The following IGSF10 variants were observed in gnomAD, a reference collection of about 807,000 sequenced individuals.
The protein encoded by IGSF10 is calvaria mechanical force protein 608.
In IGSF10, 126 loss-of-function variants were observed where a neutral mutation model predicts 128.2. The ratio of observed to expected loss-of-function variants is 0.98; its 90% CI spans 0.85 to 1.14. The LOEUF is 1.14. IGSF10 is among the 50% of genes most tolerant of loss of function. The pLI, the probability that IGSF10 is intolerant of heterozygous loss-of-function variation, is 0.00. For synonymous variants in IGSF10, 1,185 were observed against 1,146.2 expected (o/e 1.03, Z -0.68); for missense variants, 3,295 against 3,149.8 (o/e 1.05, Z -1.10).
the IGSF10 span, among the ~76,000 whole-genome samples, chr3:151,496,718 G>A: frequency 1.3e-5 from 2 of 151,744 alleles, no homozygotes; most frequent in African/African-American, 2.4e-5. Context: ...TGGGTCAAAT[G>A]GTATTTCTAG....
At chr3:151,600,206 C>G in the IGSF10 span, among the ~76,000 whole-genome samples, 749 of 152,088 alleles carry the variant, frequency 4.9e-3, 1 homozygote, top group African/African-American at 0.017. Context: ...AACACAATTT[C>G]TTACTCTTTC....
the IGSF10 span, among the ~76,000 whole-genome samples, chr3:151,517,846 C>T: frequency 5.9e-5 from 9 of 151,846 alleles, no homozygotes; most frequent in Non-Finnish European, 1.2e-4. Flanking sequence ...CTGGGTTTTG[C>T]TTTTTTCTCT....
At chr3:151,546,661 C>T in the IGSF10 span, among the ~76,000 whole-genome samples, 1 of 152,104 alleles carries the variant, frequency 6.6e-6, no homozygotes, top group Non-Finnish European at 1.5e-5. Flanking sequence ...ACATTATATA[C>T]ACATAAATTG....
chr3:151,601,030 GAA>G, the IGSF10 span, among the ~76,000 whole-genome samples: 8 of 139,022 alleles, frequency 5.8e-5, no homozygotes, highest in Admixed American at 7.2e-5. Context: ...TTGTAGACAG[GAA>G]AAAAAAAAAA....
intron 6 of IGSF10, 41 bp from the exon 7 acceptor site, chr3:151,443,925 AG>A (rs1721029012): frequency 6.8e-7 from 1 of 1,464,920 alleles, no homozygotes; most frequent in Non-Finnish European, 9.2e-7. Context: ...GGGTCATCAA[AG>A]TTTATTTAGA....
At chr3:151,435,062 C>CTTTTTTTTTTTTT (rs66791814), downstream of IGSF10, 1 of 119,082 alleles carries the variant, frequency 8.4e-6, no homozygotes, top group Non-Finnish European at 1.7e-5. Context: ...TGAGAGGTTT[C>CTTTTTTTTTTTTT]TTTTTTTTTT....
At chr3:151,604,376 C>T in the IGSF10 span, among the ~76,000 whole-genome samples, 162 of 151,794 alleles carry the variant, frequency 1.1e-3, no homozygotes, top group African/African-American at 3.6e-3. Flanking sequence ...TTGGCAAATA[C>T]GTGATTCATT....
At chr3:151,457,260 CT>C in intron 3 of IGSF10, 105 bp from the exon 4 acceptor site, 1 of 1,059,796 alleles carries the variant, frequency 9.4e-7, no homozygotes, top group Non-Finnish European at 1.4e-6. Context: ...CTCTTTATAA[CT>C]GTACTCTATT....
At chr3:151,518,738 A>T in the IGSF10 span, among the ~76,000 whole-genome samples, 1 of 151,996 alleles carries the variant, frequency 6.6e-6, no homozygotes, top group East Asian at 1.9e-4. Context: ...TGTAAGTATC[A>T]GCCAAAAGTT....
At chr3:151,435,058 G>C (rs1577649247), downstream of IGSF10, 1 of 124,588 alleles carries the variant, frequency 8.0e-6, no homozygotes, top group African/African-American at 3.2e-5. Flanking sequence ...ATCTTGAGAG[G>C]TTTCTTTTTT....
the IGSF10 span, among the ~76,000 whole-genome samples, chr3:151,597,958 G>C: frequency 6.6e-6 from 1 of 151,372 alleles, no homozygotes; most frequent in East Asian, 1.9e-4. Flanking sequence ...ACAACACAGA[G>C]TTGTTTAGTT....
the IGSF10 span, among the ~76,000 whole-genome samples, chr3:151,504,681 G>T: frequency 4.9e-3 from 753 of 152,294 alleles, 7 homozygotes; most frequent in African/African-American, 0.018. Context: ...CAGCCTAAAG[G>T]TTTCTCTGCA....
the IGSF10 span, among the ~76,000 whole-genome samples, chr3:151,574,723 G>C: frequency 7.2e-5 from 11 of 152,186 alleles, no homozygotes; most frequent in South Asian, 2.1e-4. Context: ...ACTTCTGTCA[G>C]CTCGTCAAAG....
Position 151,445,750 on chromosome 3 carries a change from G to A in IGSF10, c.4231C>T (p.His1411Tyr), listed in dbSNP as rs1198022565. Residue 1411 changes from histidine (H) to tyrosine (Y), a missense_variant, in exon 6 of 8, where the codon CAT becomes TAT. Physicochemically the swap from His to Tyr is moderately conservative, Grantham distance 83. Coordinates refer to ENST00000282466, the MANE Select transcript of IGSF10 (RefSeq NM_178822.5). Reference protein sequence around the residue: ...TTGISSTISFHSRTLNLTDVI... With the variant: ...TTGISSTISFYSRTLNLTDVI... ...TCTGTCAGATTAAGAGTTCTTGAAT[G>A]AAAACTGATTGTGCTTGAAATCCCA... 1 of 1,613,934 alleles carries A rather than the reference G, an allele frequency of 6.2e-7. No individual in the cohort carries two copies. Among genetic ancestry groups the A allele is most frequent in the Non-Finnish European group, 8.5e-7 (1 of 1,180,030 alleles).
At chr3:151,529,453 A>G in the IGSF10 span, among the ~76,000 whole-genome samples, 1 of 152,154 alleles carries the variant, frequency 6.6e-6, no homozygotes, top group Non-Finnish European at 1.5e-5. Context: ...CTCATACAGG[A>G]GAGCTCTGGC....
chr3:151,534,796 A>AGTGTGT, the IGSF10 span, among the ~76,000 whole-genome samples: 23,702 of 129,282 alleles, frequency 0.18, 2,032 homozygotes, highest in Middle Eastern at 0.21. Flanking sequence ...CAGAATTTAA[A>AGTGTGT]GTGTATGTGT....
intron 2 of IGSF10, among the ~76,000 whole-genome samples, chr3:151,459,846 C>T (rs1018521309): frequency 1.3e-5 from 2 of 152,106 alleles, no homozygotes; most frequent in African/African-American, 4.8e-5. Flanking sequence ...TGTTGGATTC[C>T]ACCAGCAACC....
chr3:151,617,320 C>CCT, the IGSF10 span, among the ~76,000 whole-genome samples: 108 of 83,556 alleles, frequency 1.3e-3, 4 homozygotes, highest in Admixed American at 8.4e-3. Flanking sequence ...CTTCTTCTTC[C>CCT]CCTCCTCCTC....
chr3:151,556,344 T>C, the IGSF10 span, among the ~76,000 whole-genome samples: 2 of 152,162 alleles, frequency 1.3e-5, no homozygotes, highest in Non-Finnish European at 1.5e-5. Flanking sequence ...ACTTTCTTTG[T>C]GGAAAACTAA....
Sources: allele counts gnomAD v4.1 joint callset (sites outside exome capture counted in the v4.1 genomes callset), GRCh38; gene constraint gnomAD v4.1.1; transcripts MANE v1.5; gene names NCBI Gene and HGNC (gene_info 2026-07-23, HGNC 2026-07-21).